The following IQCJ variants were observed in gnomAD, a reference collection of about 807,000 sequenced individuals.
IQCJ encodes the protein IQ domain-containing protein J.
Under a neutral mutation model 11.0 loss-of-function variants are expected in IQCJ, and 9 were observed. The ratio of observed to expected loss-of-function variants is 0.82; its 90% confidence interval spans 0.49 to 1.43. IQCJ has a LOEUF of 1.43. IQCJ is among the 40% of genes most tolerant of loss of function. The pLI, the probability that IQCJ is intolerant of heterozygous loss-of-function variation, is 0.00. For missense variants in IQCJ, 146 were observed against 133.2 expected (o/e 1.10, Z -0.47); for synonymous variants, 55 against 51.3 (o/e 1.07, Z -0.31).
chr3:159,207,775 A>G (rs1724737319), intron 1 of IQCJ, among the ~76,000 whole-genome samples: 1 of 152,228 alleles, frequency 6.6e-6, no homozygotes, highest in African/African-American at 2.4e-5. Flanking sequence ...TTAGAAATCT[A>G]GCTCCATCTG....
intron 1 of IQCJ, among the ~76,000 whole-genome samples, chr3:159,151,667 G>A (rs1193714651): frequency 6.6e-6 from 1 of 152,094 alleles, no homozygotes; most frequent in African/African-American, 2.4e-5. Flanking sequence ...ACGGAGTCTC[G>A]CTCTGTCGCC....
chr3:159,263,764 T>A (rs1728348985), downstream of IQCJ: 2 of 985,222 alleles, frequency 2.0e-6, no homozygotes, highest in Non-Finnish European at 2.4e-6. Flanking sequence ...TGCCTAGATA[T>A]GGATTTAAAG....
intron 1 of IQCJ, among the ~76,000 whole-genome samples, chr3:159,134,937 C>G (rs920422752): frequency 3.3e-5 from 5 of 152,068 alleles, no homozygotes; most frequent in African/African-American, 1.2e-4. Context: ...AATTTTAGTC[C>G]CTGAGGTAAG....
At chr3:159,120,307 T>C (rs1286185865) in intron 1 of IQCJ, among the ~76,000 whole-genome samples, 2 of 152,224 alleles carry the variant, frequency 1.3e-5, no homozygotes, top group Non-Finnish European at 2.9e-5. Flanking sequence ...CCTATCCAGT[T>C]CCAGCTGTTG....
intron 3 of IQCJ, among the ~76,000 whole-genome samples, chr3:159,258,045 C>T (rs1000515739): frequency 6.6e-6 from 1 of 152,112 alleles, no homozygotes; most frequent in Non-Finnish European, 1.5e-5. Flanking sequence ...AACAGAAATA[C>T]CCATGGTCTA....
intron 1 of IQCJ, among the ~76,000 whole-genome samples, chr3:159,244,297 C>A (rs1727112598): frequency 6.6e-6 from 1 of 152,116 alleles, no homozygotes; most frequent in African/African-American, 2.4e-5. Flanking sequence ...ATGGCTGGGA[C>A]TGGCAGCTGG....
Position 159,224,068 on chromosome 3 carries a change from TA to T in IQCJ, c.10-21761del, listed in dbSNP as rs201823582. Among the ~76,000 whole-genome samples the T allele has an allele frequency of 2.7e-3, 358 of 133,996 alleles. 1 individual carries two copies. Among genetic ancestry groups the T allele is most frequent in the Middle Eastern group, 0.011 (3 of 268 alleles). The allele number at this position is 133,996 out of a possible 152,430, so 87.9% of individuals were successfully genotyped here. A position where few individuals can be genotyped will look rare whatever the true frequency, so the allele number is the denominator to read the frequency against. On this transcript the variant is annotated intron_variant, in intron 1 of 3. Coordinates refer to ENST00000397832, the MANE Select transcript of IQCJ (RefSeq NM_001042706.3). ...ATAATATTAAAATATCATTTCCCAC[TA>T]AAAAAAAAAAAAACAAGACTTAAAG...
intron 2 of IQCJ, among the ~76,000 whole-genome samples, chr3:159,247,347 A>G (rs913953962): frequency 4.6e-5 from 7 of 152,166 alleles, no homozygotes; most frequent in Non-Finnish European, 1.5e-5. Flanking sequence ...CCACCCACTC[A>G]GCCTCCCAAA....
At chr3:159,206,427 C>T (rs530970915) in intron 1 of IQCJ, among the ~76,000 whole-genome samples, 8 of 152,082 alleles carry the variant, frequency 5.3e-5, no homozygotes, top group Non-Finnish European at 7.4e-5. Flanking sequence ...GGTAGCAACA[C>T]CCCAATTTTG....
Position 159,178,438 on chromosome 3 carries a change from G to T in IQCJ, c.10-67405G>T, listed in dbSNP as rs115162353. 5.9e-3 allele frequency among the ~76,000 whole-genome samples: 906 copies of T among 152,292 alleles called. 11 individuals are homozygous for T. Among genetic ancestry groups the T allele is most frequent in the African/African-American group, 0.021 (865 of 41,562 alleles). On this transcript the variant is annotated intron_variant, in intron 1 of 3. Transcript: ENST00000397832. Reference sequence around the variant, plus strand: ...GCATTGCAGTCCTTCGATCAGCCCAGAAGTCATTCCTGATGGGAATACAGT... The same window carrying T: ...GCATTGCAGTCCTTCGATCAGCCCATAAGTCATTCCTGATGGGAATACAGT...
At chr3:159,250,412 C>T (rs932514874) in intron 2 of IQCJ, among the ~76,000 whole-genome samples, 6 of 152,056 alleles carry the variant, frequency 3.9e-5, no homozygotes, top group Non-Finnish European at 7.4e-5. Context: ...TGTCATAAGT[C>T]TGTATATATA....
chr3:159,231,217 T>G (rs1333301824), intron 1 of IQCJ, among the ~76,000 whole-genome samples: 1 of 152,202 alleles, frequency 6.6e-6, no homozygotes, highest in Non-Finnish European at 1.5e-5. Flanking sequence ...CTACCCAGCA[T>G]AGCCACATCC....
intron 1 of IQCJ, among the ~76,000 whole-genome samples, chr3:159,075,895 G>C (rs1431345671): frequency 6.6e-6 from 1 of 152,066 alleles, no homozygotes; most frequent in Non-Finnish European, 1.5e-5. Flanking sequence ...CAGGGCCTGA[G>C]CTCTTAGACA....
chr3:159,122,591 G>A (rs1035154205), intron 1 of IQCJ, among the ~76,000 whole-genome samples: 1 of 151,964 alleles, frequency 6.6e-6, no homozygotes, highest in Admixed American at 6.5e-5. Flanking sequence ...TCTTCGAAAA[G>A]TTTCCTTTTC....
At chr3:159,161,102 GC>G (rs1721825025) in intron 1 of IQCJ, among the ~76,000 whole-genome samples, 1 of 152,146 alleles carries the variant, frequency 6.6e-6, no homozygotes, top group Non-Finnish European at 1.5e-5. Flanking sequence ...CTGAGGAATC[GC>G]CACATCCACT....
chr3:159,137,886 G>C (rs751426820), intron 1 of IQCJ, among the ~76,000 whole-genome samples: 18 of 152,156 alleles, frequency 1.2e-4, no homozygotes, highest in Non-Finnish European at 2.4e-4. Context: ...AAATAGGAAA[G>C]GGATTTTTAC....
chr3:159,147,287 A>G (rs949335391), intron 1 of IQCJ, among the ~76,000 whole-genome samples: 1 of 152,236 alleles, frequency 6.6e-6, no homozygotes, highest in African/African-American at 2.4e-5. Flanking sequence ...ATACGCATTC[A>G]GGCATAAAGA....
At chr3:159,213,816 ACAGTTTTC>A (rs1466550870) in intron 1 of IQCJ, among the ~76,000 whole-genome samples, 1 of 152,150 alleles carries the variant, frequency 6.6e-6, no homozygotes, top group African/African-American at 2.4e-5. Context: ...TCATGTCATC[ACAGTTTTC>A]CATTCTTAAC....
chr3:159,144,683 CA>C (rs1720825352), intron 1 of IQCJ, among the ~76,000 whole-genome samples: 1 of 149,650 alleles, frequency 6.7e-6, no homozygotes, highest in Non-Finnish European at 1.5e-5. Context: ...CACACACACA[CA>C]CACACAGAGT....
Sources: gnomAD v4.1 joint callset for allele counts (sites outside exome capture counted in the v4.1 genomes callset) on GRCh38, gnomAD v4.1.1 for gene constraint, MANE v1.5 for transcripts, NCBI Gene and HGNC (gene_info 2026-07-23, HGNC 2026-07-21) for gene names.